Variants in NDRG1 observed in about 807,000 individuals in gnomAD.
The protein encoded by NDRG1 is protein NDRG1.
Under a neutral mutation model 56.9 loss-of-function variants are expected in NDRG1, and 32 were observed. That is an observed-to-expected ratio of 0.56 (90% CI 0.42 to 0.76). The LOEUF is 0.76. NDRG1 is among the 30% of genes least tolerant of loss of function. NDRG1 has a pLI of 0.00. For missense variants in NDRG1, 507 were observed against 545.7 expected (o/e 0.93, Z 0.71); for synonymous variants, 211 against 204.1 (o/e 1.03, Z -0.29).
In NDRG1 at chr8:133,256,688, G is replaced by A. The variant is rs145676204; in HGVS notation, c.537+89C>T. The A allele has an allele frequency of 1.4e-4, 175 of 1,275,742 alleles. No individual in the cohort carries two copies. The African/African-American group carries it at 2.1e-3, about 15-fold the overall frequency. The allele number at this position is 1,275,742 out of a possible 1,614,324, so 79.0% of individuals were successfully genotyped here. A position where few individuals can be genotyped will look rare whatever the true frequency, so the allele number is the denominator to read the frequency against. ...GGAGGAGTGGGTAAAGAGAGAGCTC[G>A]TAGCTCCAGGGATCCCCCAGGCAGA... On this transcript the variant is annotated intron_variant, in intron 8 of 15. Coordinates refer to ENST00000323851, the MANE Select transcript of NDRG1 (RefSeq NM_006096.4).
chr8:133,267,207 T>C (rs2977498), intron 3 of NDRG1, among the ~76,000 whole-genome samples: 40,097 of 151,952 alleles, frequency 0.26, 5,686 homozygotes, highest in East Asian at 0.42. Context: ...CAGAGGGTGG[T>C]CGTGACTCTT....
At chr8:133,275,555 T>TA (rs1203402232) in intron 3 of NDRG1, among the ~76,000 whole-genome samples, 3 of 151,790 alleles carry the variant, frequency 2.0e-5, no homozygotes, top group Non-Finnish European at 2.9e-5. Context: ...TGTCACCACT[T>TA]AAAAAAAAGC....
chr8:133,279,498 T>A (rs1257687964), intron 3 of NDRG1, among the ~76,000 whole-genome samples: 1 of 152,242 alleles, frequency 6.6e-6, no homozygotes. Flanking sequence ...GGGACACCTG[T>A]GCAACACATG....
intron 10 of NDRG1, 32 bp from the exon 11 acceptor site, chr8:133,248,803 G>A: frequency 6.2e-7 from 1 of 1,613,528 alleles, no homozygotes; most frequent in African/African-American, 1.3e-5. Flanking sequence ...TTAGCATGAG[G>A]ACCCCTCCCC....
intron 7 of NDRG1, among the ~76,000 whole-genome samples, chr8:133,257,316 C>CACACACACACACAG (rs756183850): frequency 1.5e-5 from 2 of 129,628 alleles, no homozygotes; most frequent in Admixed American, 8.6e-5. Context: ...CACACACACA[C>CACACACACACACAG]AGAGAGAGAG....
intron 3 of NDRG1, among the ~76,000 whole-genome samples, chr8:133,268,072 A>G (rs1776242299): frequency 6.6e-6 from 1 of 152,168 alleles, no homozygotes; most frequent in South Asian, 2.1e-4. Context: ...TGGAGGATCT[A>G]TTCCTCAGTC....
chr8:133,271,642 T>G (rs1194567907), intron 3 of NDRG1, among the ~76,000 whole-genome samples: 2 of 151,632 alleles, frequency 1.3e-5, no homozygotes, highest in East Asian at 3.9e-4. Context: ...TAGCCAGGCA[T>G]GGTGGCTCAC....
intron 9 of NDRG1, among the ~76,000 whole-genome samples, chr8:133,252,117 CAG>C (rs1856085229): frequency 3.3e-5 from 5 of 152,162 alleles, no homozygotes; most frequent in African/African-American, 9.7e-5. Flanking sequence ...GTTTTTGAGA[CAG>C]AGTCTCCCTC....
At chr8:133,291,932 A>C (rs1586504312) in intron 1 of NDRG1, among the ~76,000 whole-genome samples, 3 of 152,278 alleles carry the variant, frequency 2.0e-5, no homozygotes, top group African/African-American at 7.2e-5. Flanking sequence ...GGTCAGCAAG[A>C]GTGTCCCAAA....
intron 8 of NDRG1, 86 bp from the exon 9 acceptor site, chr8:133,254,681 G>A (rs960672336): frequency 1.4e-6 from 2 of 1,385,560 alleles, no homozygotes; most frequent in Non-Finnish European, 2.0e-6. Context: ...CCTGGGTGCA[G>A]GGTGGCATTG....
intron 4 of NDRG1, among the ~76,000 whole-genome samples, chr8:133,264,060 TAAGA>T (rs1371148934): frequency 2.6e-5 from 4 of 151,894 alleles, no homozygotes; most frequent in Non-Finnish European, 5.9e-5. Flanking sequence ...TTGAAAGCAC[TAAGA>T]AAGAAGCCAG....
At chr8:133,239,187 C>A in intron 15 of NDRG1, 68 bp from the exon 16 acceptor site, 2 of 1,544,896 alleles carry the variant, frequency 1.3e-6, no homozygotes, top group East Asian at 2.4e-5. Context: ...GCATGCCCGT[C>A]CACCAGCCAC....
chr8:133,276,369 G>T (rs1857456727), intron 3 of NDRG1, among the ~76,000 whole-genome samples: 1 of 152,184 alleles, frequency 6.6e-6, no homozygotes, highest in African/African-American at 2.4e-5. Context: ...TGCTTTCTAG[G>T]TTTCTCAGAA....
At chr8:133,243,298 G>A (rs1855486056) in intron 14 of NDRG1, among the ~76,000 whole-genome samples, 1 of 152,246 alleles carries the variant, frequency 6.6e-6, no homozygotes, top group Non-Finnish European at 1.5e-5. Flanking sequence ...AGGGACGCCT[G>A]TGTTCGAGAT....
At chr8:133,244,764 G>C in intron 13 of NDRG1, 1 of 385,424 alleles carries the variant, frequency 2.6e-6, no homozygotes, top group Non-Finnish European at 4.9e-6. Context: ...GACCCGAAAG[G>C]GTTTGATAAA....
intron 1 of NDRG1, among the ~76,000 whole-genome samples, chr8:133,294,007 A>G (rs1043901605): frequency 1.3e-5 from 2 of 152,176 alleles, no homozygotes; most frequent in African/African-American, 4.8e-5. Context: ...AAACACCTAC[A>G]CGCTGTTTTC....
chr8:133,260,657 G>A lies in NDRG1; in HGVS notation c.326+1390C>T, dbSNP rs114944487. 6.9e-3 allele frequency among the ~76,000 whole-genome samples: 1,058 copies of A among 152,272 alleles called. 20 individuals carry two copies. The highest frequency in any genetic ancestry group is 0.023 in the African/African-American group (956 of 41,538). ...TATCTGCTGGTTAACAATTAACCAC[G>A]TCCCACTGTTTTAATACACTTTTAA... On this transcript the variant is annotated intron_variant, in intron 5 of 15. Coordinates refer to ENST00000323851, the MANE Select transcript of NDRG1 (RefSeq NM_006096.4).
intron 3 of NDRG1, among the ~76,000 whole-genome samples, chr8:133,272,377 G>A (rs562820444): frequency 6.6e-6 from 1 of 152,162 alleles, no homozygotes; most frequent in Non-Finnish European, 1.5e-5. Flanking sequence ...GCCCGCTGCT[G>A]TGTGCATTCA....
chr8:133,276,664 T>G (rs567158502), intron 3 of NDRG1, among the ~76,000 whole-genome samples: 1 of 152,370 alleles, frequency 6.6e-6, no homozygotes, highest in East Asian at 1.9e-4. Context: ...CCTGCCGCCA[T>G]GTAAGGCGTG....
Sources: gnomAD v4.1 joint callset for allele counts (sites outside exome capture counted in the v4.1 genomes callset) on GRCh38, gnomAD v4.1.1 for gene constraint, MANE v1.5 for transcripts, NCBI Gene and HGNC (gene_info 2026-07-23, HGNC 2026-07-21) for gene names.